PKHD1: variants seen among roughly 807,000 people sequenced by gnomAD.
PKHD1 encodes fibrocystin.
PKHD1 carries 291 observed loss-of-function variants against 412.0 expected under a neutral mutation model. The observed-to-expected ratio is 0.71, with a 90% CI of 0.64 to 0.78. PKHD1 has a LOEUF of 0.78. Among genes scored for constraint, PKHD1 ranks in the 30% least tolerant of loss-of-function variants. The pLI is 0.00. For synonymous variants in PKHD1, 1,777 were observed against 1,821.5 expected (o/e 0.98, Z 0.62); for missense variants, 4,825 against 4,950.7 (o/e 0.97, Z 0.76).
At chr6:52,005,477 G>A (rs970253877) in intron 35 of PKHD1, among the ~76,000 whole-genome samples, 25 of 152,128 alleles carry the variant, frequency 1.6e-4, no homozygotes, top group African/African-American at 5.6e-4. Flanking sequence ...GCTGCCTTGC[G>A]CATGCTGGTT....
chr6:51,884,807 A>G (rs549387659), intron 45 of PKHD1, among the ~76,000 whole-genome samples: 1 of 152,184 alleles, frequency 6.6e-6, no homozygotes, highest in Non-Finnish European at 1.5e-5. Context: ...GGTATAAATC[A>G]CTTCTCTGCA....
chr6:51,742,187 T>C (rs1784639140), intron 60 of PKHD1, among the ~76,000 whole-genome samples: 1 of 152,210 alleles, frequency 6.6e-6, no homozygotes, highest in Non-Finnish European at 1.5e-5. Context: ...TTCATTCTTC[T>C]GTGCAAAAAA....
intron 11 of PKHD1, among the ~76,000 whole-genome samples, chr6:52,067,611 A>G (rs1465458553): frequency 1.3e-5 from 2 of 152,198 alleles, no homozygotes; most frequent in African/African-American, 4.8e-5. Flanking sequence ...GAGGTGTAGA[A>G]GAAAATGTTT....
chr6:52,024,720 C>T lies in PKHD1; in HGVS notation c.5090G>A (p.Gly1697Asp), dbSNP rs752432638. The T allele has an allele frequency of 5.6e-6, 9 of 1,614,180 alleles. No individual in the cohort carries two copies. Among genetic ancestry groups the T allele is most frequent in the Admixed American group, 1.7e-5 (1 of 60,026 alleles). ...CACGCACTGAAGAACGGTGTGGTTA[C>T]CAGAGACACCCACACAGGGTGACAT... ...IGMSPCVGVS[G>D]NHTVLQCVVP... is the part of the protein sequence containing the mutation. The change falls in exon 32 of 67, where the codon GGT becomes GAT. Residue 1697 changes from glycine (G) to aspartate (D), a missense_variant. Physicochemically the swap from Gly to Asp is moderately conservative, Grantham distance 94. Coordinates refer to ENST00000371117, the MANE Select transcript of PKHD1 (RefSeq NM_138694.4).
chr6:52,048,596 T>C lies in PKHD1; in HGVS notation c.2303A>G (p.Glu768Gly). 6.2e-7 allele frequency: 1 copy of C among 1,614,020 alleles called. No individual in the cohort carries two copies. The highest frequency in any genetic ancestry group is 1.7e-4 in the Middle Eastern group (1 of 6,060). The change falls in exon 23 of 67, where the codon GAA becomes GGA. Residue 768 changes from glutamate to glycine, a missense_variant. Coordinates refer to ENST00000371117, the MANE Select transcript of PKHD1 (RefSeq NM_138694.4). ...CACCAGGACCAGTCCAGATCCCTCTTCTGTTCCTTCAGTGGGCACAGAGCT... is the reference window on the plus strand; with the variant it reads ...CACCAGGACCAGTCCAGATCCCTCTCCTGTTCCTTCAGTGGGCACAGAGCT... ...TARSVPTEGT[E>G]EGSGLVLVTT... is the part of the protein sequence containing the mutation.
At chr6:51,932,804 C>T (rs967056952) in intron 37 of PKHD1, among the ~76,000 whole-genome samples, 1 of 152,154 alleles carries the variant, frequency 6.6e-6, no homozygotes, top group African/African-American at 2.4e-5. Flanking sequence ...CCACAGTCAA[C>T]ACTTAAATGC....
chr6:51,648,677 A>T (rs766518544), intron 62 of PKHD1, among the ~76,000 whole-genome samples: 9 of 152,248 alleles, frequency 5.9e-5, no homozygotes, highest in Non-Finnish European at 1.2e-4. Flanking sequence ...ACTTAATCAC[A>T]TATAAGAGAG....
intron 55 of PKHD1, among the ~76,000 whole-genome samples, chr6:51,762,641 T>C (rs1022415056): frequency 4.3e-5 from 5 of 116,054 alleles, no homozygotes; most frequent in Non-Finnish European, 6.9e-5. Flanking sequence ...CACACTACCA[T>C]TATTCACATA....
At position 51,885,746 on chromosome 6, in the gene PKHD1, T is replaced by C; in HGVS notation, c.7215+121A>G. ...TAAAATTGTGACAGCACAGCAATGCTCCCCTCAAGGGCAAGTCAATCCCAT... is the reference window on the plus strand; with the variant it reads ...TAAAATTGTGACAGCACAGCAATGCCCCCCTCAAGGGCAAGTCAATCCCAT... On this transcript the variant is annotated intron_variant, in intron 45 of 66. Coordinates refer to ENST00000371117, the MANE Select transcript of PKHD1 (RefSeq NM_138694.4). 4.1e-6 allele frequency: 3 copies of C among 734,340 alleles called. No individual in the cohort carries two copies. The South Asian group carries it at 4.5e-5, about 11-fold the overall frequency. 45.5% of individuals were successfully genotyped at this position (734,340 alleles called of 1,614,324 possible).
intron 52 of PKHD1, among the ~76,000 whole-genome samples, chr6:51,807,363 G>A (rs982184463): frequency 1.3e-5 from 2 of 149,628 alleles, no homozygotes; most frequent in African/African-American, 2.5e-5. Flanking sequence ...ACTTGAACCC[G>A]GGAGGCAGAG....
intron 60 of PKHD1, among the ~76,000 whole-genome samples, chr6:51,743,551 G>A (rs1310813605): frequency 6.6e-6 from 1 of 152,090 alleles, no homozygotes; most frequent in Non-Finnish European, 1.5e-5. Flanking sequence ...GATATAAATT[G>A]GAAGTCATCA....
chr6:51,638,761 TAGCTA>T, intron 64 of PKHD1, 83 bp downstream of exon 64: 1 of 790,566 alleles, frequency 1.3e-6, no homozygotes, highest in Non-Finnish European at 2.2e-6. Flanking sequence ...TTCATGATAG[TAGCTA>T]TTCCCACTAT....
intron 64 of PKHD1, among the ~76,000 whole-genome samples, chr6:51,638,483 C>G (rs1768880993): frequency 6.6e-6 from 1 of 151,880 alleles, no homozygotes; most frequent in Admixed American, 6.6e-5. Context: ...GAGGACAGGA[C>G]CCAAAGTTAA....
chr6:52,040,130 G>A (rs1177582946), intron 27 of PKHD1, among the ~76,000 whole-genome samples: 1 of 152,154 alleles, frequency 6.6e-6, no homozygotes, highest in African/African-American at 2.4e-5. Context: ...GACTACTAAT[G>A]TATACAGGTT....
At chr6:51,756,618 G>A (rs2661485) in intron 55 of PKHD1, among the ~76,000 whole-genome samples, 89,629 of 151,954 alleles carry the variant, frequency 0.59, 26,888 homozygotes, top group East Asian at 0.89. Flanking sequence ...AAAGCAGGAC[G>A]TAAAATAATA....
intron 35 of PKHD1, among the ~76,000 whole-genome samples, chr6:52,009,598 G>A (rs779072649): frequency 3.3e-5 from 5 of 152,118 alleles, no homozygotes; most frequent in South Asian, 4.1e-4. Context: ...TCTTTGTGCC[G>A]TGAGAAGCCT....
rs184209427 is a variant in PKHD1 at position 51,737,499 on chromosome 6, T to C, written c.10156+6886A>G. Among the ~76,000 whole-genome samples, 368 of 152,334 alleles carry C rather than the reference T, an allele frequency of 2.4e-3. 2 individuals are homozygous for C. The highest frequency in any genetic ancestry group is 1.0e-2 in the South Asian group (48 of 4,818). The stretch of plus-strand genomic sequence containing the variant: ...TTTTAGCTAATGTTCTTTTCTCTTG[T>C]GGAAATATATTCAGTGTGTTCATAA... On this transcript the variant is annotated intron_variant, in intron 60 of 66. Coordinates refer to ENST00000371117, the MANE Select transcript of PKHD1 (RefSeq NM_138694.4).
chr6:51,742,673 C>T (rs546817158), intron 60 of PKHD1, among the ~76,000 whole-genome samples: 2 of 152,022 alleles, frequency 1.3e-5, no homozygotes, highest in Non-Finnish European at 2.9e-5. Context: ...TATTGAGTAA[C>T]CCCCAAATAC....
At position 52,025,651 on chromosome 6, in the gene PKHD1, C is replaced by T; in HGVS notation, c.4159G>A (p.Val1387Met). The T allele has an allele frequency of 6.2e-7, 1 of 1,614,224 alleles. No homozygotes were observed. The highest frequency in any genetic ancestry group is 8.5e-7 in the Non-Finnish European group (1 of 1,180,052). ...NMSVVLQQFA[V>M]MPRIMAIFPS... ...AAGATGGCCATTATCCGAGGCATCACTGCAAATTGCTGGAGCACCACAGAC... is the reference window on the plus strand; with the variant it reads ...AAGATGGCCATTATCCGAGGCATCATTGCAAATTGCTGGAGCACCACAGAC... The change falls in exon 32 of 67, where the codon GTG becomes ATG. Residue 1387 changes from valine (V) to methionine (M), a missense_variant. Coordinates refer to ENST00000371117, the MANE Select transcript of PKHD1 (RefSeq NM_138694.4).
Sources: allele counts gnomAD v4.1 joint callset (sites outside exome capture counted in the v4.1 genomes callset), GRCh38; gene constraint gnomAD v4.1.1; transcripts MANE v1.5; gene names NCBI Gene and HGNC (gene_info 2026-07-23, HGNC 2026-07-21).